Variants in ABCB7 observed in about 807,000 individuals in gnomAD.
ABCB7 encodes ATP binding cassette subfamily B member 7.
ABCB7 carries 7 observed loss-of-function variants against 54.4 expected under a neutral mutation model. The ratio of observed to expected loss-of-function variants is 0.13; its 90% CI spans 0.07 to 0.24. The LOEUF (loss-of-function observed/expected upper bound fraction) is 0.24. Among genes scored for constraint, ABCB7 ranks in the 10% least tolerant of loss-of-function variants. The probability of loss-of-function intolerance (pLI) is 1.00; values close to 1 mark genes in which losing one functional copy is unlikely to be tolerated. For missense variants in ABCB7, 356 were observed against 570.4 expected (o/e 0.62, Z 3.83); for synonymous variants, 218 against 207.1 (o/e 1.05, Z -0.45).
At chrX:75,080,179 CAT>C (rs775385662) in intron 4 of ABCB7, among the ~76,000 whole-genome samples, 1 of 112,355 alleles carries the variant, frequency 8.9e-6, no homozygotes, top group East Asian at 2.8e-4. Flanking sequence ...TCAACATTCT[CAT>C]ACAGATGGAT....
intron 1 of ABCB7, among the ~76,000 whole-genome samples, chrX:75,128,764 C>T (rs28783824): frequency 0.029 from 3,192 of 111,755 alleles, 114 homozygotes; most frequent in African/African-American, 0.099. Context: ...AACCAAATAA[C>T]CCCATCAAAA....
chrX:75,126,270 T>A (rs889462554), intron 1 of ABCB7, among the ~76,000 whole-genome samples: 2 of 112,158 alleles, frequency 1.8e-5, no homozygotes, highest in Non-Finnish European at 3.8e-5. Flanking sequence ...AAATACAAGA[T>A]CCTTATGCTA....
intron 1 of ABCB7, among the ~76,000 whole-genome samples, chrX:75,139,308 T>C (rs960963085): frequency 4.5e-5 from 5 of 112,245 alleles, no homozygotes; most frequent in Non-Finnish European, 9.4e-5. Flanking sequence ...CTCTATTTCA[T>C]GAACACTTTA....
At chrX:75,100,600 C>T (rs2081631347) in intron 3 of ABCB7, among the ~76,000 whole-genome samples, 1 of 111,460 alleles carries the variant, frequency 9.0e-6, no homozygotes, top group Non-Finnish European at 1.9e-5. Flanking sequence ...AATAGCATTT[C>T]CTCAATAATG....
chrX:75,129,994 G>T (rs1023611490), intron 1 of ABCB7, among the ~76,000 whole-genome samples: 3 of 111,007 alleles, frequency 2.7e-5, no homozygotes, highest in Non-Finnish European at 5.7e-5. Flanking sequence ...TAGAAACTGA[G>T]GCTTAGAGAG....
chrX:75,112,639 C>T (rs2081770964), intron 3 of ABCB7, among the ~76,000 whole-genome samples: 1 of 111,466 alleles, frequency 9.0e-6, no homozygotes, highest in Non-Finnish European at 1.9e-5. Flanking sequence ...TCAAATGATG[C>T]TATTTTAAAG....
chrX:75,135,216 A>G (rs1372466867), intron 1 of ABCB7, among the ~76,000 whole-genome samples: 1 of 110,440 alleles, frequency 9.1e-6, no homozygotes, highest in Admixed American at 9.7e-5. Context: ...CACACGAACT[A>G]GAAAACCCAG....
rs543771621 is a variant in ABCB7 at position 75,149,999 on chromosome X, T to G, written c.168+6106A>C. Among the ~76,000 whole-genome samples, 20 of 111,402 alleles carry G rather than the reference T, an allele frequency of 1.8e-4. No homozygotes were observed. The South Asian group carries it at 7.6e-3, about 42-fold the overall frequency. On this transcript the variant is annotated intron_variant, in intron 1 of 15. Transcript: ENST00000373394. ...GCTAGCAATCTAGTTAGGTGGAAAT[T>G]TTTAAGGCTAAGATATAAAGCCCAC...
intron 1 of ABCB7, among the ~76,000 whole-genome samples, chrX:75,128,430 C>T: frequency 1.8e-5 from 2 of 111,738 alleles, no homozygotes; most frequent in Middle Eastern, 4.6e-3. Flanking sequence ...CCTCCTTACA[C>T]CTTATACAAA....
intron 1 of ABCB7, among the ~76,000 whole-genome samples, chrX:75,126,968 C>T (rs1426881556): frequency 9.0e-6 from 1 of 111,388 alleles, no homozygotes; most frequent in African/African-American, 3.3e-5. Flanking sequence ...CAGCTGAATT[C>T]TACCCGAGGT....
intron 3 of ABCB7, among the ~76,000 whole-genome samples, chrX:75,108,933 A>G (rs1481764333): frequency 1.8e-5 from 2 of 112,258 alleles, no homozygotes; most frequent in African/African-American, 3.2e-5. Flanking sequence ...AGATTTTTAA[A>G]TATTTACTTA....
intron 1 of ABCB7, among the ~76,000 whole-genome samples, chrX:75,137,269 T>C (rs1381484597): frequency 1.8e-5 from 2 of 112,448 alleles, no homozygotes; most frequent in Non-Finnish European, 1.9e-5. Context: ...CTAACAAGCA[T>C]ATTAACGAAT....
chrX:75,100,488 C>G (rs888498371), intron 3 of ABCB7, among the ~76,000 whole-genome samples: 11 of 110,503 alleles, frequency 1.0e-4, no homozygotes, highest in Admixed American at 9.7e-4. Flanking sequence ...GTCATGGGGA[C>G]TTTACACAGT....
intron 1 of ABCB7, among the ~76,000 whole-genome samples, chrX:75,138,934 G>C (rs1156323986): frequency 3.7e-5 from 4 of 106,689 alleles, no homozygotes; most frequent in Non-Finnish European, 5.8e-5. Flanking sequence ...CTTGAACCCG[G>C]GAGGCAGAGA....
At position 75,053,134 on chromosome X, in the gene ABCB7, A is replaced by C; in HGVS notation, c.*236T>G. On this transcript the variant is annotated 3_prime_UTR_variant, in exon 16 of 16. Coordinates refer to ENST00000373394, the MANE Select transcript of ABCB7 (RefSeq NM_001271696.3). The stretch of plus-strand genomic sequence containing the variant: ...AATGTGGTAATATCAAACAGGTAGC[A>C]AAAAGTATGCATTGAGCACAACCAG... 1 of 430,399 alleles carries C rather than the reference A, an allele frequency of 2.3e-6. No individual in the cohort carries two copies. 35.5% of individuals were successfully genotyped at this position (430,399 alleles called of 1,213,427 possible).
intron 1 of ABCB7, among the ~76,000 whole-genome samples, chrX:75,145,212 C>T (rs911058967): frequency 9.0e-6 from 1 of 111,202 alleles, no homozygotes; most frequent in Non-Finnish European, 1.9e-5. Context: ...TGAGAAGGAA[C>T]TCCTCCCTAA....
intron 4 of ABCB7, among the ~76,000 whole-genome samples, chrX:75,078,589 G>A (rs111639219): frequency 0.081 from 9,007 of 110,732 alleles, 923 homozygotes; most frequent in African/African-American, 0.28. Context: ...TGAAAGGTAG[G>A]TACCTTTCAC....
chrX:75,135,561 T>TA (rs2082003713), intron 1 of ABCB7, among the ~76,000 whole-genome samples: 1 of 111,519 alleles, frequency 9.0e-6, no homozygotes, highest in South Asian at 3.7e-4. Flanking sequence ...CCGACCAACA[T>TA]AGATTTAAAA....
At chrX:75,093,824 A>G (rs1310489837) in intron 4 of ABCB7, among the ~76,000 whole-genome samples, 1 of 108,374 alleles carries the variant, frequency 9.2e-6, no homozygotes, top group African/African-American at 3.4e-5. Context: ...ATCAGGTAGC[A>G]CTGTCTCATT....
Sources: allele counts gnomAD v4.1 joint callset (sites outside exome capture counted in the v4.1 genomes callset), GRCh38; gene constraint gnomAD v4.1.1; transcripts MANE v1.5; gene names NCBI Gene and HGNC (gene_info 2026-07-23, HGNC 2026-07-21).